DACH1: variants seen among roughly 807,000 people sequenced by gnomAD.
DACH1 encodes the protein dachshund homolog 1.
Under a neutral mutation model 54.2 loss-of-function variants are expected in DACH1, and 12 were observed. The ratio of observed to expected loss-of-function variants is 0.22; its 90% CI spans 0.14 to 0.36. The LOEUF is 0.36. Among genes scored for constraint, DACH1 ranks in the 10% least tolerant of loss-of-function variants. The pLI, the probability that DACH1 is intolerant of heterozygous loss-of-function variation, is 1.00. For synonymous variants in DACH1, 386 were observed against 366.2 expected (o/e 1.05, Z -0.62); for missense variants, 805 against 929.8 (o/e 0.87, Z 1.75).
intron 1 of DACH1, among the ~76,000 whole-genome samples, chr13:71,691,731 G>A (rs2138724479): frequency 6.6e-6 from 1 of 152,318 alleles, no homozygotes; most frequent in East Asian, 1.9e-4. Flanking sequence ...AATTGAACAT[G>A]TCCATGTGCC....
intron 6 of DACH1, among the ~76,000 whole-genome samples, chr13:71,502,802 T>C (rs1310750835): frequency 6.6e-6 from 1 of 152,188 alleles, no homozygotes; most frequent in African/African-American, 2.4e-5. Context: ...CTTTCAGTAT[T>C]GGACACTATT....
intron 1 of DACH1, among the ~76,000 whole-genome samples, chr13:71,686,487 T>C (rs758240364): frequency 6.6e-6 from 1 of 152,188 alleles, no homozygotes; most frequent in Non-Finnish European, 1.5e-5. Context: ...TAATGTTTAC[T>C]AACTTTTCCA....
intron 3 of DACH1, among the ~76,000 whole-genome samples, chr13:71,623,191 A>G (rs1242853450): frequency 6.6e-6 from 1 of 151,700 alleles, no homozygotes; most frequent in Non-Finnish European, 1.5e-5. Flanking sequence ...ACCTGTTGCC[A>G]TCATTAATGT....
At chr13:71,673,545 G>C (rs1055843380) in intron 2 of DACH1, among the ~76,000 whole-genome samples, 1 of 151,722 alleles carries the variant, frequency 6.6e-6, no homozygotes, top group Non-Finnish European at 1.5e-5. Context: ...TGCAGGAATT[G>C]TAAAGAGTAA....
chr13:71,804,760 G>C (rs1446321157), intron 1 of DACH1, among the ~76,000 whole-genome samples: 1 of 152,114 alleles, frequency 6.6e-6, no homozygotes, highest in African/African-American at 2.4e-5. Flanking sequence ...TCATAAACTA[G>C]AATTGATCTT....
chr13:71,490,845 C>T (rs1566292916), intron 6 of DACH1, among the ~76,000 whole-genome samples: 1 of 152,142 alleles, frequency 6.6e-6, no homozygotes. Flanking sequence ...ATCATCATCA[C>T]CTTAGCTGTC....
At chr13:71,581,235 C>A (rs1872830024) in intron 3 of DACH1, among the ~76,000 whole-genome samples, 2 of 152,100 alleles carry the variant, frequency 1.3e-5, no homozygotes, top group South Asian at 4.1e-4. Context: ...GAGGCACATG[C>A]ACATATAATA....
intron 1 of DACH1, among the ~76,000 whole-genome samples, chr13:71,845,220 T>G (rs1401644686): frequency 6.7e-6 from 1 of 150,118 alleles, no homozygotes; most frequent in Non-Finnish European, 1.5e-5. Context: ...CATAAATATG[T>G]GCAATTGTTA....
intron 1 of DACH1, among the ~76,000 whole-genome samples, chr13:71,736,054 G>T (rs1299291347): frequency 6.6e-6 from 1 of 152,114 alleles, no homozygotes; most frequent in Admixed American, 6.6e-5. Context: ...ACTGAGCTGT[G>T]TACAGAGAGT....
intron 1 of DACH1, among the ~76,000 whole-genome samples, chr13:71,859,579 A>C (rs547858587): frequency 1.7e-4 from 26 of 151,856 alleles, no homozygotes; most frequent in Non-Finnish European, 3.0e-4. Context: ...ATATAAAGCT[A>C]ATCATTAGCT....
chr13:71,636,120 C>G (rs1877472984), intron 2 of DACH1, among the ~76,000 whole-genome samples: 1 of 152,022 alleles, frequency 6.6e-6, no homozygotes, highest in South Asian at 2.1e-4. Flanking sequence ...ACCCATTTCT[C>G]CCTCAGAACT....
intron 2 of DACH1, among the ~76,000 whole-genome samples, chr13:71,660,616 T>C (rs558088333): frequency 6.6e-6 from 1 of 152,156 alleles, no homozygotes; most frequent in East Asian, 1.9e-4. Flanking sequence ...TCTTAATTTC[T>C]CATGGTACTA....
chr13:71,798,336 ATATATATATATAT>A (rs1887146711), intron 1 of DACH1, among the ~76,000 whole-genome samples: 1 of 96,082 alleles, frequency 1.0e-5, no homozygotes, highest in South Asian at 6.5e-4. Flanking sequence ...ATATATATAT[ATATATATATATAT>A]ATATATATAT....
chr13:71,637,763 T>C (rs1289077001), intron 2 of DACH1, among the ~76,000 whole-genome samples: 2 of 152,154 alleles, frequency 1.3e-5, no homozygotes, highest in African/African-American at 4.8e-5. Context: ...GATTACTCTC[T>C]TTAAAAAAAT....
At chr13:71,576,864 C>T (rs1455164598) in intron 3 of DACH1, among the ~76,000 whole-genome samples, 1 of 152,100 alleles carries the variant, frequency 6.6e-6, no homozygotes, top group Non-Finnish European at 1.5e-5. Flanking sequence ...TCCTGTCTTC[C>T]TCTTCTCCTT....
intron 3 of DACH1, among the ~76,000 whole-genome samples, chr13:71,597,721 T>G (rs150957680): frequency 1.3e-5 from 2 of 152,326 alleles, no homozygotes; most frequent in Non-Finnish European, 2.9e-5. Context: ...ACCTTCCTGT[T>G]ACATTGTGTT....
chr13:71,846,602 C>T (rs1223428355), intron 1 of DACH1, among the ~76,000 whole-genome samples: 1 of 152,208 alleles, frequency 6.6e-6, no homozygotes, highest in African/African-American at 2.4e-5. Context: ...CTCACTCGGC[C>T]TGAGCGACAA....
intron 1 of DACH1, among the ~76,000 whole-genome samples, chr13:71,758,069 C>G (rs886788106): frequency 4.6e-5 from 7 of 151,828 alleles, no homozygotes; most frequent in Non-Finnish European, 8.8e-5. Context: ...TTTAAATTGA[C>G]CACCGAAGAC....
At chr13:71,818,634 A>C (rs1007211747) in intron 1 of DACH1, among the ~76,000 whole-genome samples, 1 of 152,192 alleles carries the variant, frequency 6.6e-6, no homozygotes, top group Non-Finnish European at 1.5e-5. Context: ...CTACTCTTGC[A>C]CTGCCCAGTC....
Sources: allele counts gnomAD v4.1 joint callset (sites outside exome capture counted in the v4.1 genomes callset), GRCh38; gene constraint gnomAD v4.1.1; transcripts MANE v1.5; gene names NCBI Gene and HGNC (gene_info 2026-07-23, HGNC 2026-07-21).